ATP10B: variants seen among roughly 807,000 people sequenced by gnomAD.
ATP10B encodes the protein phospholipid-transporting ATPase VB.
A neutral mutation model predicts 141.2 loss-of-function variants in ATP10B; 122 were observed. The ratio of observed to expected loss-of-function variants is 0.86; its 90% confidence interval spans 0.75 to 1.00. ATP10B has a LOEUF of 1.00. Ranked by LOEUF, ATP10B falls within the 50% of genes least tolerant of loss-of-function variation. The pLI, the probability that ATP10B is intolerant of heterozygous loss-of-function variation, is 0.00. For missense variants in ATP10B, 1,876 were observed against 1,825.3 expected (o/e 1.03, Z -0.51); for synonymous variants, 685 against 692.0 (o/e 0.99, Z 0.16).
chr5:160,696,400 T>G (rs1764365942), intron 3 of ATP10B, among the ~76,000 whole-genome samples: 1 of 152,164 alleles, frequency 6.6e-6, no homozygotes, highest in Admixed American at 6.5e-5. Flanking sequence ...TGAGCCACCA[T>G]GCCTGGCCAA....
chr5:160,907,926 A>G, the ATP10B span, among the ~76,000 whole-genome samples: 2 of 152,128 alleles, frequency 1.3e-5, no homozygotes, highest in African/African-American at 2.4e-5. Context: ...CGCCTCCTCC[A>G]TCTCTCATAC....
chr5:160,739,140 C>T (rs946004801), intron 2 of ATP10B, among the ~76,000 whole-genome samples: 1 of 152,142 alleles, frequency 6.6e-6, no homozygotes, highest in East Asian at 1.9e-4. Flanking sequence ...AATCCAACTT[C>T]CATTTATGGT....
At chr5:160,650,910 C>T (rs1024625463) in intron 7 of ATP10B, among the ~76,000 whole-genome samples, 1 of 152,162 alleles carries the variant, frequency 6.6e-6, no homozygotes, top group Non-Finnish European at 1.5e-5. Flanking sequence ...CAGCCCAACC[C>T]TCAGTTTGGT....
intron 13 of ATP10B, among the ~76,000 whole-genome samples, chr5:160,626,301 A>G (rs1758610688): frequency 6.6e-6 from 1 of 152,190 alleles, no homozygotes; most frequent in African/African-American, 2.4e-5. Flanking sequence ...CCCTTTGAGG[A>G]AGCTGATTTT....
At chr5:160,772,189 A>G (rs934073693) in intron 2 of ATP10B, among the ~76,000 whole-genome samples, 1 of 152,100 alleles carries the variant, frequency 6.6e-6, no homozygotes, top group African/African-American at 2.4e-5. Context: ...TTTTTGAGGA[A>G]CCTCCATACA....
At chr5:160,810,683 G>A (rs1257166335) in intron 1 of ATP10B, among the ~76,000 whole-genome samples, 1 of 152,034 alleles carries the variant, frequency 6.6e-6, no homozygotes, top group Non-Finnish European at 1.5e-5. Flanking sequence ...CAAAATTGTG[G>A]TTTTATAATT....
chr5:160,636,166 A>G lies in ATP10B; in HGVS notation c.1128+16T>C, dbSNP rs767452200. On this transcript the variant is annotated intron_variant, in intron 11 of 25. Coordinates refer to ENST00000327245, the MANE Select transcript of ATP10B (RefSeq NM_025153.3). ...CACATATCTTATTGGGCCCCTAGTT[A>G]GGGAGGGCTTCCTACCTGGAGCAGG... is the stretch of plus-strand genomic sequence containing the variant. 1 of 1,586,816 alleles carries G rather than the reference A, an allele frequency of 6.3e-7. No homozygotes were observed. The highest frequency in any genetic ancestry group is 8.6e-7 in the Non-Finnish European group (1 of 1,167,854).
At chr5:160,755,455 C>T (rs1768457932) in intron 2 of ATP10B, among the ~76,000 whole-genome samples, 1 of 152,022 alleles carries the variant, frequency 6.6e-6, no homozygotes, top group South Asian at 2.1e-4. Context: ...TATTACACAC[C>T]TAGGCTATAT....
chr5:160,924,081 G>C, the ATP10B span, among the ~76,000 whole-genome samples: 1 of 152,188 alleles, frequency 6.6e-6, no homozygotes. Context: ...AAACAAACAG[G>C]CTCCACCAGC....
chr5:160,821,182 C>T (rs1021293349), intron 1 of ATP10B, among the ~76,000 whole-genome samples: 3 of 151,974 alleles, frequency 2.0e-5, no homozygotes, highest in African/African-American at 4.8e-5. Context: ...GATACAAAAT[C>T]AACATACAAT....
Position 160,634,355 on chromosome 5 carries a change from A to G in ATP10B, c.1380T>C (p.Asn460=). The change falls in exon 12 of 26, where the codon AAT becomes AAC. Residue 460 remains asparagine, a splice_region_variant and synonymous_variant. Coordinates refer to ENST00000327245, the MANE Select transcript of ATP10B (RefSeq NM_025153.3). ...IMGSEYSHQE[N]AKRLETPKEL... ...TGGAGCCCTTGGGAGCTTCTATACC[A>G]TTTTCTTGGTGAGAATACTCGCTGC... 6.2e-7 allele frequency: 1 copy of G among 1,613,768 alleles called. No individual in the cohort carries two copies. Among genetic ancestry groups the G allele is most frequent in the South Asian group, 1.1e-5 (1 of 91,028 alleles).
At chr5:160,701,728 A>AGTC (rs1361284929) in intron 3 of ATP10B, among the ~76,000 whole-genome samples, 9 of 151,514 alleles carry the variant, frequency 5.9e-5, no homozygotes, top group Non-Finnish European at 1.5e-5. Flanking sequence ...TTCTGGGAAC[A>AGTC]GTCACCCCTC....
At chr5:160,612,281 GTTAGTC>G (rs1256107623) in intron 18 of ATP10B, 1 of 152,540 alleles carries the variant, frequency 6.6e-6, no homozygotes, top group Non-Finnish European at 1.5e-5. Flanking sequence ...CAATGGATAA[GTTAGTC>G]TTAAATAGTA....
chr5:160,715,775 G>T (rs1231825081), intron 3 of ATP10B, among the ~76,000 whole-genome samples: 1 of 151,696 alleles, frequency 6.6e-6, no homozygotes, highest in Non-Finnish European at 1.5e-5. Flanking sequence ...GCAGTGGTGT[G>T]GTTTCGGCTC....
chr5:160,919,884 A>G, the ATP10B span, among the ~76,000 whole-genome samples: 26 of 152,350 alleles, frequency 1.7e-4, no homozygotes, highest in Middle Eastern at 3.4e-3. Context: ...GGAATGAGCC[A>G]ATGGAAAGCT....
chr5:160,748,610 G>A (rs573885696), intron 2 of ATP10B, among the ~76,000 whole-genome samples: 1 of 152,306 alleles, frequency 6.6e-6, no homozygotes, highest in South Asian at 2.1e-4. Flanking sequence ...GCTTCAAGGT[G>A]CAGGAGTAAC....
the ATP10B span, among the ~76,000 whole-genome samples, chr5:160,884,272 G>A: frequency 6.6e-6 from 1 of 152,132 alleles, no homozygotes; most frequent in Non-Finnish European, 1.5e-5. Context: ...CCCAATGTGT[G>A]TAAGAGTCAA....
At chr5:160,661,932 C>T (rs1232971610) in intron 7 of ATP10B, among the ~76,000 whole-genome samples, 1 of 152,130 alleles carries the variant, frequency 6.6e-6, no homozygotes, top group African/African-American at 2.4e-5. Context: ...CTTAAGCTGA[C>T]AGGCAACTTC....
chr5:160,824,364 A>T (rs778754634), intron 1 of ATP10B, among the ~76,000 whole-genome samples: 83 of 152,298 alleles, frequency 5.4e-4, no homozygotes, highest in Non-Finnish European at 9.7e-4. Context: ...GTACATGGGC[A>T]TGATCACAAA....
Sources: allele counts gnomAD v4.1 joint callset (sites outside exome capture counted in the v4.1 genomes callset), GRCh38; gene constraint gnomAD v4.1.1; transcripts MANE v1.5; gene names NCBI Gene and HGNC (gene_info 2026-07-23, HGNC 2026-07-21).